Variants in ERCC5 observed in about 807,000 individuals in gnomAD.
ERCC5 encodes DNA excision repair protein ERCC-5.
A neutral mutation model predicts 105.6 loss-of-function variants in ERCC5; 68 were observed. The ratio of observed to expected loss-of-function variants is 0.64; its 90% CI spans 0.53 to 0.79. ERCC5 has a LOEUF of 0.79. Ranked by LOEUF, ERCC5 falls within the 30% of genes least tolerant of loss-of-function variation. The probability of loss-of-function intolerance (pLI) is 0.00; values close to 1 mark genes in which losing one functional copy is unlikely to be tolerated. For synonymous variants in ERCC5, 546 were observed against 526.2 expected (o/e 1.04, Z -0.51); for missense variants, 1,373 against 1,426.7 (o/e 0.96, Z 0.61).
Position 102,862,621 on chromosome 13 carries a change from A to C in ERCC5, c.1472A>C (p.Glu491Ala), listed in dbSNP as rs774961421. The C allele has an allele frequency of 2.9e-5, 47 of 1,614,022 alleles. No homozygotes were observed. In the Admixed American group the frequency reaches 7.8e-4, roughly 27 times the overall value. ...VGTEAFPISD[E>A]SMIKDRKDRL... is the part of the protein sequence containing the mutation. ...ACTGAAGCCTTTCCGATAAGTGATG[A>C]GTCTATGATTAAGGACAGAAAAGAT... Residue 491 changes from glutamate to alanine, a missense_variant, in exon 8 of 15, where the codon GAG becomes GCG. Glu to Ala is a moderately radical substitution (Grantham distance 107). Coordinates refer to ENST00000652225, the MANE Select transcript of ERCC5 (RefSeq NM_000123.4).
chr13:102,855,796 A>T (rs1178768288), intron 4 of ERCC5, among the ~76,000 whole-genome samples: 3 of 151,858 alleles, frequency 2.0e-5, no homozygotes, highest in Non-Finnish European at 4.4e-5. Context: ...AGCTTTTGTG[A>T]CTCCTAAATT....
In ERCC5 at chr13:102,856,156, A is replaced by T. The variant is rs556355360; in HGVS notation, c.528+44A>T. The T allele has an allele frequency of 7.4e-4, 1,168 of 1,568,186 alleles. 5 individuals are homozygous for T. The African/African-American group carries it at 0.014, about 19-fold the overall frequency. On this transcript the variant is annotated intron_variant, in intron 5 of 14. Coordinates refer to ENST00000652225, the MANE Select transcript of ERCC5 (RefSeq NM_000123.4). ...AATTCAGAATGTATTCTGTTATTTG[A>T]AATGAATGACATGAAAATGAATATT...
At position 102,862,678 on chromosome 13, in the gene ERCC5, A is replaced by G. The variant is rs751683683; in HGVS notation, c.1529A>G (p.His510Arg). The G allele has an allele frequency of 6.2e-7, 1 of 1,614,222 alleles. No homozygotes were observed. The highest frequency in any genetic ancestry group is 1.1e-5 in the South Asian group (1 of 91,086). The stretch of plus-strand genomic sequence containing the variant: ...CCTCTGGAGAGTGCAGTGGTTAGAC[A>G]TAGTGACGCACCTGGGCTCCCGAAT... The part of the protein sequence containing the change: ...RLPLESAVVR[H>R]SDAPGLPNGR... Residue 510 changes from histidine (H) to arginine (R), a missense_variant, in exon 8 of 15, where the codon CAT (histidine) becomes CGT (arginine). Coordinates refer to ENST00000652225, the MANE Select transcript of ERCC5 (RefSeq NM_000123.4).
At chr13:102,846,418 T>C (rs2140511773) in intron 1 of ERCC5, 64 bp downstream of exon 1, 9 of 1,444,386 alleles carry the variant, frequency 6.2e-6, no homozygotes, top group Non-Finnish European at 7.8e-6. Context: ...CTCGCGGGGC[T>C]CTGCCTTGGG....
chr13:102,852,826 G>A (rs1229593674), intron 2 of ERCC5, among the ~76,000 whole-genome samples: 1 of 152,124 alleles, frequency 6.6e-6, no homozygotes, highest in Non-Finnish European at 1.5e-5. Context: ...TGTTCTGGAA[G>A]TAGTTTTAAA....
intron 8 of ERCC5, chr13:102,864,815 A>G (rs1882775580): frequency 6.6e-6 from 1 of 152,220 alleles, no homozygotes; most frequent in Non-Finnish European, 1.5e-5. Context: ...ATGTATACAT[A>G]TACATGCACA....
chr13:102,864,343 G>A (rs916632870), intron 8 of ERCC5, among the ~76,000 whole-genome samples: 1 of 152,094 alleles, frequency 6.6e-6, no homozygotes, highest in African/African-American at 2.4e-5. Flanking sequence ...TTGTTACTAC[G>A]TTGGTTGCCA....
chr13:102,871,343 T>TC (rs1429523792), intron 12 of ERCC5, among the ~76,000 whole-genome samples: 1 of 151,996 alleles, frequency 6.6e-6, no homozygotes, highest in Non-Finnish European at 1.5e-5. Context: ...GGGAGGAGGG[T>TC]CCAAGAGTGT....
rs747515261 is a variant in ERCC5 at position 102,875,670 on chromosome 13, T to TTAA, written c.3330_3332dup (p.Leu1110_Met1111insIle). On this transcript the variant is annotated inframe_insertion, in exon 15 of 15. Transcript: ENST00000652225. ...AAGTGAAGATGCTGAAAGTTCATCT[T>TTAA]TAATGAATGTACAAAGGAGAACAGC... 1.2e-6 allele frequency: 2 copies of TTAA among 1,614,184 alleles called. No homozygotes were observed. Among genetic ancestry groups the TTAA allele is most frequent in the Non-Finnish European group, 1.7e-6 (2 of 1,180,004 alleles).
At chr13:102,853,182 A>C (rs2140518261) in intron 2 of ERCC5, among the ~76,000 whole-genome samples, 1 of 152,316 alleles carries the variant, frequency 6.6e-6, no homozygotes, top group Admixed American at 6.5e-5. Context: ...CATACTGTAA[A>C]TCAGGTACTT....
chr13:102,855,490 A>G (rs1054325918), intron 4 of ERCC5, among the ~76,000 whole-genome samples: 2 of 152,158 alleles, frequency 1.3e-5, no homozygotes, highest in Admixed American at 1.3e-4. Context: ...ACCTCAAGTG[A>G]TCCACCTGCC....
Position 102,861,601 on chromosome 13 carries a change from A to G in ERCC5, c.767A>G (p.Gln256Arg), listed in dbSNP as rs4150313. The G allele has an allele frequency of 6.2e-3, 10,001 of 1,614,178 alleles. 277 individuals carry two copies. In the African/African-American group the frequency reaches 0.079, roughly 13 times the overall value. ...HIEHVQKEMN[Q>R]QHSGHIRRQY... Reference sequence around the variant, plus strand: ...GAACATGTCCAAAAGGAAATGAATCAGCAACATTCAGGACACATCCGAAGG... The same window carrying G: ...GAACATGTCCAAAAGGAAATGAATCGGCAACATTCAGGACACATCCGAAGG... Residue 256 changes from glutamine to arginine, a missense_variant, in exon 7 of 15, where the codon CAG becomes CGG. Gln to Arg is a conservative substitution (Grantham distance 43). Coordinates refer to ENST00000652225, the MANE Select transcript of ERCC5 (RefSeq NM_000123.4).
At chr13:102,855,530 C>T (rs907211607) in intron 4 of ERCC5, among the ~76,000 whole-genome samples, 2 of 152,200 alleles carry the variant, frequency 1.3e-5, no homozygotes, top group African/African-American at 4.8e-5. Context: ...GGATTGCAGG[C>T]GTGAGCCACC....
chr13:102,867,140 G>A (rs185737118), intron 11 of ERCC5, among the ~76,000 whole-genome samples: 96 of 152,328 alleles, frequency 6.3e-4, no homozygotes, highest in African/African-American at 2.2e-3. Flanking sequence ...AGCAGGCCGC[G>A]CCTGGGCCTG....
At chr13:102,860,023 C>G (rs1464590842) in intron 6 of ERCC5, among the ~76,000 whole-genome samples, 1 of 152,214 alleles carries the variant, frequency 6.6e-6, no homozygotes, top group Non-Finnish European at 1.5e-5. Flanking sequence ...CTCCCTTTGT[C>G]TAGCATCTCC....
In ERCC5 at chr13:102,858,739, T is replaced by C. The variant is rs191440184; in HGVS notation, c.672+321T>C. Among the ~76,000 whole-genome samples, 7 of 152,338 alleles carry C rather than the reference T, an allele frequency of 4.6e-5. No individual in the cohort carries two copies. In the East Asian group the frequency reaches 1.3e-3, roughly 29 times the overall value. ...ATCTTGCTCACCTCTGTATTTTCAG[T>C]GTCTAGCTCAGTATTTTTCACATGG... On this transcript the variant is annotated intron_variant, in intron 6 of 14. Transcript: ENST00000652225.
intron 7 of ERCC5, 115 bp from the exon 8 acceptor site, chr13:102,861,915 A>T: frequency 1.4e-6 from 2 of 1,463,942 alleles, no homozygotes; most frequent in Non-Finnish European, 1.9e-6. Context: ...GTTGCCGATT[A>T]AATGAAAATG....
intron 14 of ERCC5, among the ~76,000 whole-genome samples, chr13:102,874,559 T>C (rs1348622645): frequency 6.6e-6 from 1 of 152,190 alleles, no homozygotes; most frequent in Non-Finnish European, 1.5e-5. Flanking sequence ...TCTCACTCTG[T>C]CTCCCAGGCT....
At position 102,857,139 on chromosome 13, in the gene ERCC5, G is replaced by A. The variant is rs922621136; in HGVS notation, c.528+1027G>A. Among the ~76,000 whole-genome samples, 5 of 152,094 alleles carry A rather than the reference G, an allele frequency of 3.3e-5. No individual in the cohort carries two copies. In the East Asian group the frequency reaches 9.6e-4, roughly 29 times the overall value. On this transcript the variant is annotated intron_variant, in intron 5 of 14. Coordinates refer to ENST00000652225, the MANE Select transcript of ERCC5 (RefSeq NM_000123.4). The stretch of plus-strand genomic sequence containing the variant: ...GCATTTTTTGATTCCCAAATTCACT[G>A]TTTCTTGTTTGTTCATATGGTTTTG...
Sources: allele counts gnomAD v4.1 joint callset (sites outside exome capture counted in the v4.1 genomes callset), GRCh38; gene constraint gnomAD v4.1.1; transcripts MANE v1.5; gene names NCBI Gene and HGNC (gene_info 2026-07-23, HGNC 2026-07-21).